The following DYNLL1 variants were observed in gnomAD, a reference collection of about 807,000 sequenced individuals.
DYNLL1 encodes the protein dynein light chain 1, cytoplasmic.
DYNLL1 carries 3 observed loss-of-function variants against 10.1 expected under a neutral mutation model. That is an observed-to-expected ratio of 0.30 (90% CI 0.14 to 0.77). The LOEUF is 0.77. Ranked by LOEUF, DYNLL1 falls within the 30% of genes least tolerant of loss-of-function variation. The pLI is 0.66. For missense variants in DYNLL1, 47 were observed against 111.7 expected (o/e 0.42, Z 2.61); for synonymous variants, 46 against 41.2 (o/e 1.12, Z -0.45).
At chr12:120,495,858 C>G (rs1879256231), upstream of DYNLL1, 1 of 161,168 alleles carries the variant, frequency 6.2e-6, no homozygotes, top group South Asian at 1.6e-4. Flanking sequence ...GTAACCCGGC[C>G]GGGGCTCCAC....
chr12:120,497,945 C>T (rs967699212), intron 2 of DYNLL1, 128 bp from the exon 3 acceptor site: 1 of 919,768 alleles, frequency 1.1e-6, no homozygotes, highest in East Asian at 2.7e-5. Context: ...GGGGAACATT[C>T]TTTCATTCTA....
intron 1 of DYNLL1, among the ~76,000 whole-genome samples, chr12:120,479,462 A>AAAT (rs59185266): frequency 6.8e-5 from 9 of 133,174 alleles, no homozygotes; most frequent in African/African-American, 2.5e-4. Context: ...AAAAAAAAAA[A>AAAT]AAAAAAAATA....
chr12:120,485,682 A>G (rs1031408896), intron 1 of DYNLL1, among the ~76,000 whole-genome samples: 3 of 151,878 alleles, frequency 2.0e-5, no homozygotes, highest in African/African-American at 7.3e-5. Flanking sequence ...TTTATTAAAA[A>G]TCAAAAAAAT....
Position 120,498,422 on chromosome 12 carries a change from A to G in DYNLL1, c.*212A>G, listed in dbSNP as rs765082359. ...TAGCCTACATTTGTATTTATTTTCT[A>G]TTCCATACTTCTGCCCACGTTGTTT... On this transcript the variant is annotated 3_prime_UTR_variant, in exon 3 of 3. Coordinates refer to ENST00000242577, the MANE Select transcript of DYNLL1 (RefSeq NM_003746.3). 44 of 494,860 alleles carry G rather than the reference A, an allele frequency of 8.9e-5. 1 individual carries two copies. The South Asian group carries it at 1.6e-3, about 18-fold the overall frequency. 30.7% of individuals were successfully genotyped at this position (494,860 alleles called of 1,614,324 possible).
At position 120,496,116 on chromosome 12, in the gene DYNLL1, T is replaced by C; in HGVS notation, c.-107T>C. The C allele has an allele frequency of 2.1e-6, 1 of 485,126 alleles. No individual in the cohort carries two copies. 30.1% of individuals were successfully genotyped at this position (485,126 alleles called of 1,614,324 possible). A position where few individuals can be genotyped will look rare whatever the true frequency, so the allele number is the denominator to read the frequency against. Reference sequence around the variant, plus strand: ...GGCGGCTGGCGTGGGGCTGCTTAGATGCGCCACGGTTTCGGTAGCGACGGT... The same window carrying C: ...GGCGGCTGGCGTGGGGCTGCTTAGACGCGCCACGGTTTCGGTAGCGACGGT... On this transcript the variant is annotated 5_prime_UTR_variant, in exon 1 of 3. An upstream start codon of the reference 5' UTR is lost. Transcript: ENST00000242577.
chr12:120,479,460 A>T (rs1321763802), intron 1 of DYNLL1, among the ~76,000 whole-genome samples: 20 of 133,228 alleles, frequency 1.5e-4, no homozygotes, highest in Admixed American at 1.4e-3. Context: ...AAAAAAAAAA[A>T]AAAAAAAAAA....
chr12:120,480,810 G>A (rs1015573616), intron 1 of DYNLL1, among the ~76,000 whole-genome samples: 1 of 149,278 alleles, frequency 6.7e-6, no homozygotes, highest in Non-Finnish European at 1.5e-5. Flanking sequence ...TGCCCAGGCT[G>A]GAGTCGTGGC....
At chr12:120,494,381 A>C (rs1190064881), upstream of DYNLL1, among the ~76,000 whole-genome samples, 1 of 148,872 alleles carries the variant, frequency 6.7e-6, no homozygotes, top group African/African-American at 2.5e-5. Context: ...GGTTCAAGTG[A>C]TTCTCCTGCC....
At chr12:120,474,073 G>A (rs934009003) in intron 1 of DYNLL1, among the ~76,000 whole-genome samples, 8 of 151,954 alleles carry the variant, frequency 5.3e-5, no homozygotes, top group African/African-American at 1.9e-4. Flanking sequence ...GTTCAAGCAG[G>A]GAAGAAGAGA....
At chr12:120,485,984 C>G (rs967435186) in intron 1 of DYNLL1, among the ~76,000 whole-genome samples, 1 of 151,694 alleles carries the variant, frequency 6.6e-6, no homozygotes, top group African/African-American at 2.4e-5. Flanking sequence ...TAATTCATTC[C>G]TTGTGTTCTT....
upstream of DYNLL1, among the ~76,000 whole-genome samples, chr12:120,495,016 A>G (rs988462706): frequency 1.3e-5 from 2 of 152,210 alleles, no homozygotes; most frequent in African/African-American, 2.4e-5. Flanking sequence ...AATGTTTAAT[A>G]CTGCTAACAA....
intron 1 of DYNLL1, chr12:120,490,767 A>G (rs1042092523): frequency 6.6e-6 from 1 of 152,120 alleles, no homozygotes; most frequent in African/African-American, 2.4e-5. Flanking sequence ...AACATCCTCA[A>G]ATGCATAGGA....
chr12:120,473,804 C>T (rs1878699970), intron 1 of DYNLL1, among the ~76,000 whole-genome samples: 1 of 151,982 alleles, frequency 6.6e-6, no homozygotes, highest in Non-Finnish European at 1.5e-5. Context: ...CCCATCTCGG[C>T]CTCCCAAAGT....
intron 1 of DYNLL1, among the ~76,000 whole-genome samples, chr12:120,474,193 G>C (rs778176383): frequency 7.9e-5 from 12 of 151,058 alleles, no homozygotes; most frequent in Non-Finnish European, 1.5e-4. Context: ...CCAGCTACTT[G>C]GGAGGCTGAG....
chr12:120,496,601 C>CT, intron 2 of DYNLL1, 48 bp downstream of exon 2: 1 of 1,613,756 alleles, frequency 6.2e-7, no homozygotes, highest in South Asian at 1.1e-5. Flanking sequence ...CAGGGGGTTC[C>CT]TTCCCCCCGA....
intron 1 of DYNLL1, among the ~76,000 whole-genome samples, chr12:120,486,180 G>T (rs1337155155): frequency 6.6e-6 from 1 of 152,282 alleles, no homozygotes; most frequent in African/African-American, 2.4e-5. Flanking sequence ...TTGTAGTAAA[G>T]GTTGATTTAT....
At position 120,496,433 on chromosome 12, in the gene DYNLL1, A is replaced by C. The variant is rs1270731275; in HGVS notation, c.12A>C (p.Arg4=). The C allele has an allele frequency of 6.2e-7, 1 of 1,614,140 alleles. No individual in the cohort carries two copies. Among genetic ancestry groups the C allele is most frequent in the Admixed American group, 1.7e-5 (1 of 60,026 alleles). MCD[R]KAVIKNADMS... is the part of the protein sequence containing the mutation. ...CCCACTAGGTAACCATGTGCGACCGAAAGGCCGTGATCAAAAATGCGGACA... is the reference window on the plus strand; with the variant it reads ...CCCACTAGGTAACCATGTGCGACCGCAAGGCCGTGATCAAAAATGCGGACA... Residue 4 remains arginine, a synonymous_variant, in exon 2 of 3, where the codon CGA becomes CGC. Transcript: ENST00000242577.
At chr12:120,473,203 A>T (rs1414359402) in intron 1 of DYNLL1, among the ~76,000 whole-genome samples, 2 of 152,094 alleles carry the variant, frequency 1.3e-5, no homozygotes, top group African/African-American at 4.8e-5. Context: ...CTGGGAGGAG[A>T]TGTTTAGAGT....
In DYNLL1 at chr12:120,496,398, C is replaced by T. The variant is rs755419676; in HGVS notation, c.-6-18C>T. 3 of 1,613,794 alleles carry T rather than the reference C, an allele frequency of 1.9e-6. No individual in the cohort carries two copies. The highest frequency in any genetic ancestry group is 4.5e-5 in the East Asian group (2 of 44,900). On this transcript the variant is annotated intron_variant, in intron 1 of 2. Transcript: ENST00000242577. Reference sequence around the variant, plus strand: ...GCGCGGCCCAACTCAACCCCTTACCCCAGGCCTTGCCCACTAGGTAACCAT... The same window carrying T: ...GCGCGGCCCAACTCAACCCCTTACCTCAGGCCTTGCCCACTAGGTAACCAT...
Sources: allele counts gnomAD v4.1 joint callset (sites outside exome capture counted in the v4.1 genomes callset), GRCh38; gene constraint gnomAD v4.1.1; transcripts MANE v1.5; gene names NCBI Gene and HGNC (gene_info 2026-07-23, HGNC 2026-07-21).